Variants in PRPF8 observed in about 807,000 individuals in gnomAD.
PRPF8 encodes the protein pre-mRNA-processing-splicing factor 8.
A neutral mutation model predicts 285.9 loss-of-function variants in PRPF8; 64 were observed. That is an observed-to-expected ratio of 0.22 (90% CI 0.18 to 0.28). PRPF8 has a LOEUF of 0.28. Ranked by LOEUF, PRPF8 falls within the 10% of genes least tolerant of loss-of-function variation. The pLI is 1.00. For synonymous variants in PRPF8, 1,325 were observed against 1,118.2 expected, an observed-to-expected ratio of 1.18 and a Z score of -3.69; for missense variants, 1,426 against 3,026.7, an observed-to-expected ratio of 0.47 and a Z score of 12.41.
At chr17:1,683,829 T>C in intron 2 of PRPF8, 128 bp from the exon 3 acceptor site, 1 of 1,055,500 alleles carries the variant, frequency 9.5e-7, no homozygotes, top group Non-Finnish European at 1.4e-6. Context: ...AAGCACCCCT[T>C]GCCAATTCCC....
At position 1,682,130 on chromosome 17, in the gene PRPF8, C is replaced by A; in HGVS notation, c.433G>T (p.Gly145Trp). ...VIEPVYISQW[G>W]SMWIMMRREK... is the part of the protein sequence containing the mutation. The stretch of plus-strand genomic sequence containing the variant: ...CCACCATATTTCAGCCTTTCTCACC[C>A]CCACTGGGAGATGTAGACAGGTTCA... The change falls in exon 4 of 43, where the codon GGG (glycine) becomes TGG (tryptophan). Residue 145 changes from glycine to tryptophan, a missense_variant and splice_region_variant. Gly to Trp is a radical substitution (Grantham distance 184). Transcript: ENST00000304992. The A allele has an allele frequency of 6.2e-7, 1 of 1,614,034 alleles. No homozygotes were observed. Among genetic ancestry groups the A allele is most frequent in the Non-Finnish European group, 8.5e-7 (1 of 1,180,004 alleles).
In PRPF8 at chr17:1,651,105, T is replaced by TA; in HGVS notation, c.6853+2dup. Reference sequence around the variant, plus strand: ...CCCACATCCCCAGGCTCCTCCCACTTACCCATGAAGTTGTAGTTCCACGAG... The same window carrying TA: ...CCCACATCCCCAGGCTCCTCCCACTTAACCCATGAAGTTGTAGTTCCACGAG... On this transcript the variant is annotated splice_region_variant and intron_variant, in intron 42 of 42. Coordinates refer to ENST00000304992, the MANE Select transcript of PRPF8 (RefSeq NM_006445.4). This position sits in a 1 kb window ranked among gnomAD's most constrained non-coding sequence, Gnocchi z 5.1. 1 of 1,614,082 alleles carries TA rather than the reference T, an allele frequency of 6.2e-7. No individual in the cohort carries two copies. The highest frequency in any genetic ancestry group is 8.5e-7 in the Non-Finnish European group (1 of 1,180,006).
At position 1,661,721 on chromosome 17, in the gene PRPF8, G is replaced by C. The variant is rs917548588; in HGVS notation, c.4092C>G (p.Leu1364=). 1 of 1,614,252 alleles carries C rather than the reference G, an allele frequency of 6.2e-7. No individual in the cohort carries two copies. The highest frequency in any genetic ancestry group is 1.7e-5 in the Admixed American group (1 of 60,024). ...GTATGTAGCGGTACAAGTTGGGAAT[G>C]AGCTGGTCTTCTTCATGGCTCATTC... ...RSGMSHEEDQ[L]IPNLYRYIQP... is the part of the protein sequence containing the mutation. The change falls in exon 26 of 43, where the codon CTC becomes CTG. Residue 1364 remains leucine, a synonymous_variant. Transcript: ENST00000304992. This position sits in a 1 kb window ranked among gnomAD's most constrained non-coding sequence, Gnocchi z 7.3.
intron 24 of PRPF8, among the ~76,000 whole-genome samples, chr17:1,666,669 G>A (rs1912006083): frequency 6.6e-6 from 1 of 152,162 alleles, no homozygotes; most frequent in Admixed American, 6.5e-5. Context: ...AAATGATATA[G>A]TCAAGACTTT....
In PRPF8 at chr17:1,675,826, A is replaced by G. The variant is rs1191669771; in HGVS notation, c.2680-14T>C. 7 of 1,614,046 alleles carry G rather than the reference A, an allele frequency of 4.3e-6. No homozygotes were observed. The African/African-American group carries it at 6.7e-5, about 15-fold the overall frequency. ...CTCAATGCCCACCTGTGGGACAAGG[A>G]GGCTGGTTCACACCAATCCACCAAC... On this transcript the variant is annotated splice_polypyrimidine_tract_variant and intron_variant, in intron 18 of 42. Coordinates refer to ENST00000304992, the MANE Select transcript of PRPF8 (RefSeq NM_006445.4). This position sits in a 1 kb window ranked among gnomAD's most constrained non-coding sequence, Gnocchi z 6.0.
Position 1,675,811 on chromosome 17 carries a change from A to C in PRPF8, c.2681T>G (p.Val894Gly). 6.2e-7 allele frequency: 1 copy of C among 1,614,126 alleles called. No homozygotes were observed. The highest frequency in any genetic ancestry group is 8.5e-7 in the Non-Finnish European group (1 of 1,180,028). The part of the protein sequence containing the change: ...HLLTQRAFKE[V>G]GIEFMDLYSH... ...ATACAGATCCATGAACTCAATGCCC[A>C]CCTGTGGGACAAGGAGGCTGGTTCA... Residue 894 changes from valine (V) to glycine (G), a missense_variant and splice_region_variant, in exon 19 of 43, where the codon GTG becomes GGG. Val to Gly is a moderately radical substitution (Grantham distance 109). Transcript: ENST00000304992. This position sits in a 1 kb window ranked among gnomAD's most constrained non-coding sequence, Gnocchi z 6.0.
rs1171026148 is a variant in PRPF8 at position 1,675,717 on chromosome 17, G to A, written c.2775C>T (p.Tyr925=). The change falls in exon 19 of 43, where the codon TAC becomes TAT. Residue 925 remains tyrosine (Y), a synonymous_variant. Coordinates refer to ENST00000304992, the MANE Select transcript of PRPF8 (RefSeq NM_006445.4). This position sits in a 1 kb window ranked among gnomAD's most constrained non-coding sequence, Gnocchi z 6.0. ...EKITDAYLDQ[Y]LWYEADKRRL... ...GGCGCTTGTCGGCTTCATACCACAG[G>A]TACTGGTCCAGGTAAGCATCAGTTA... 1.9e-6 allele frequency: 3 copies of A among 1,614,146 alleles called. No homozygotes were observed. Among genetic ancestry groups the A allele is most frequent in the Non-Finnish European group, 2.5e-6 (3 of 1,180,032 alleles).
chr17:1,682,674 G>A (rs1008426789), intron 3 of PRPF8, among the ~76,000 whole-genome samples: 2 of 152,188 alleles, frequency 1.3e-5, no homozygotes, highest in African/African-American at 4.8e-5. Flanking sequence ...GCACACTGCA[G>A]AAAGGCGGAG....
At position 1,676,937 on chromosome 17, in the gene PRPF8, C is replaced by T. The variant is rs767370363; in HGVS notation, c.2181+39G>A. On this transcript the variant is annotated intron_variant, in intron 15 of 42. Transcript: ENST00000304992. This position sits in a 1 kb window ranked among gnomAD's most constrained non-coding sequence, Gnocchi z 6.3. ...CGAAGTGGTAATCCTACCCTAAAGA[C>T]GGATGTTTACGCCTCCAAGGAAATA... The T allele has an allele frequency of 2.5e-6, 4 of 1,607,754 alleles. No individual in the cohort carries two copies. Among genetic ancestry groups the T allele is most frequent in the East Asian group, 2.2e-5 (1 of 44,850 alleles).
Position 1,661,450 on chromosome 17 carries a change from G to A in PRPF8, c.4203-44C>T, listed in dbSNP as rs762119018. On this transcript the variant is annotated intron_variant, in intron 26 of 42. Transcript: ENST00000304992. The surrounding 1 kb of genome is among the most constrained non-coding windows in gnomAD (Gnocchi z 7.3). ...TTCAAGTCAAAACGTGATCTCATAT[G>A]AGGAGCTCAGCACTCCTTCCTGGCC... 6 of 1,613,778 alleles carry A rather than the reference G, an allele frequency of 3.7e-6. No homozygotes were observed. In the Admixed American group the frequency reaches 8.3e-5, roughly 22 times the overall value.
In PRPF8 at chr17:1,653,587, C is replaced by T. The variant is rs761950073; in HGVS notation, c.6324G>A (p.Lys2108=). The change falls in exon 39 of 43, where the codon AAG becomes AAA. Residue 2108 remains lysine, a synonymous_variant. Coordinates refer to ENST00000304992, the MANE Select transcript of PRPF8 (RefSeq NM_006445.4). This position sits in a 1 kb window ranked among gnomAD's most constrained non-coding sequence, Gnocchi z 4.9. The stretch of plus-strand genomic sequence containing the variant: ...TGCAGATGAACTTCTTAAGCACATT[C>T]TTGGGAAGGATGTAGGTGTAGCCAG... ...KETGYTYILP[K]NVLKKFICIS... The T allele has an allele frequency of 5.6e-6, 9 of 1,614,050 alleles. No homozygotes were observed. In the East Asian group the frequency reaches 1.8e-4, roughly 32 times the overall value.
rs1911215533 is a variant in PRPF8 at position 1,654,030 on chromosome 17, G to C, written c.5988-14C>G. The C allele has an allele frequency of 6.2e-7, 1 of 1,614,060 alleles. No homozygotes were observed. Among genetic ancestry groups the C allele is most frequent in the South Asian group, 1.1e-5 (1 of 91,090 alleles). On this transcript the variant is annotated splice_polypyrimidine_tract_variant and intron_variant, in intron 37 of 42. Coordinates refer to ENST00000304992, the MANE Select transcript of PRPF8 (RefSeq NM_006445.4). ...GCCACGTTCACACTGTGGGGATGGT[G>C]TGGGTTATATTACAAGGATCCCTTC... is the stretch of plus-strand genomic sequence containing the variant.
intron 24 of PRPF8, 135 bp downstream of exon 24, chr17:1,672,946 G>T: frequency 1.2e-6 from 1 of 839,530 alleles, no homozygotes; most frequent in Non-Finnish European, 2.1e-6. Context: ...AAGCCACTAT[G>T]GCACAGAGCA....
chr17:1,654,358 T>C, intron 37 of PRPF8: 1 of 463,698 alleles, frequency 2.2e-6, no homozygotes, highest in South Asian at 2.2e-5. Flanking sequence ...GGTGGTATTG[T>C]CCGTCACCCT....
Position 1,683,517 on chromosome 17 carries a change from T to C in PRPF8, c.269+16A>G, listed in dbSNP as rs1327976384. On this transcript the variant is annotated intron_variant, in intron 3 of 42. Transcript: ENST00000304992. ...GGGCCAAATTCCAAATGAAATTATT[T>C]CAGGATGTTCCTTACCCCAAGTAAA... 3 of 1,614,070 alleles carry C rather than the reference T, an allele frequency of 1.9e-6. No individual in the cohort carries two copies. Among genetic ancestry groups the C allele is most frequent in the South Asian group, 1.1e-5 (1 of 91,070 alleles).
At chr17:1,665,387 A>G (rs914568979) in intron 24 of PRPF8, among the ~76,000 whole-genome samples, 1 of 151,332 alleles carries the variant, frequency 6.6e-6, no homozygotes, top group African/African-American at 2.4e-5. Flanking sequence ...AAATACAAAA[A>G]ATTAGCTGAG....
rs1246430524 is a variant in PRPF8 at position 1,651,409 on chromosome 17, C to T, written c.6650+5G>A. 6.2e-7 allele frequency: 1 copy of T among 1,614,002 alleles called. No individual in the cohort carries two copies. The highest frequency in any genetic ancestry group is 8.5e-7 in the Non-Finnish European group (1 of 1,180,020). On this transcript the variant is annotated splice_donor_5th_base_variant and intron_variant, in intron 41 of 42. Coordinates refer to ENST00000304992, the MANE Select transcript of PRPF8 (RefSeq NM_006445.4). The surrounding 1 kb of genome is among the most constrained non-coding windows in gnomAD (Gnocchi z 5.1). ...CATACTTCCTCCCAAGGAGCCCAGGCCCACCTGCATGTGATGATAATGGTC... is the reference window on the plus strand; with the variant it reads ...CATACTTCCTCCCAAGGAGCCCAGGTCCACCTGCATGTGATGATAATGGTC...
Position 1,678,558 on chromosome 17 carries a change from C to T in PRPF8, c.1814G>A (p.Cys605Tyr). Reference sequence around the variant, plus strand: ...ATAGATGAGATGCTTCAGGTCCTTGCACATGCGAATCTGTCGCATCAGCTT... The same window carrying T: ...ATAGATGAGATGCTTCAGGTCCTTGTACATGCGAATCTGTCGCATCAGCTT... ...KYKLMRQIRM[C>Y]KDLKHLIYYR... The change falls in exon 13 of 43, where the codon TGC becomes TAC. Residue 605 changes from cysteine (C) to tyrosine (Y), a missense_variant. Physicochemically the swap from Cys to Tyr is radical, Grantham distance 194. Around this residue, in one of 34 missense-constraint regions of PRPF8, gnomAD observed 69 missense variants for 134.7 expected, o/e 0.51. Coordinates refer to ENST00000304992, the MANE Select transcript of PRPF8 (RefSeq NM_006445.4). The T allele has an allele frequency of 6.2e-7, 1 of 1,614,230 alleles. No individual in the cohort carries two copies. The highest frequency in any genetic ancestry group is 8.5e-7 in the Non-Finnish European group (1 of 1,180,044).
rs1396768649 is a variant in PRPF8, at chr17:1,658,133, A to G, written c.5505+120T>C. On this transcript the variant is annotated intron_variant, in intron 34 of 42. Coordinates refer to ENST00000304992, the MANE Select transcript of PRPF8 (RefSeq NM_006445.4). This position sits in a 1 kb window ranked among gnomAD's most constrained non-coding sequence, Gnocchi z 4.1. ...GAATACTTCCCAAGGTATTTTGGGG[A>G]TAAGTTCAAATGAGATGTTCTCAGC... 6.2e-6 allele frequency: 9 copies of G among 1,456,922 alleles called. No individual in the cohort carries two copies. Among genetic ancestry groups the G allele is most frequent in the South Asian group, 2.4e-5 (2 of 83,308 alleles). The allele number at this position is 1,456,922 out of a possible 1,614,324, so 90.2% of individuals were successfully genotyped here. A position where few individuals can be genotyped will look rare whatever the true frequency, so the allele number is the denominator to read the frequency against.
Sources: allele counts gnomAD v4.1 joint callset (sites outside exome capture counted in the v4.1 genomes callset), GRCh38; gene constraint gnomAD v4.1.1; regional missense constraint gnomAD v4.1.1; non-coding constraint Gnocchi (gnomAD v3.1); transcripts MANE v1.5; gene names NCBI Gene and HGNC (gene_info 2026-07-23, HGNC 2026-07-21).